MRTFA: variants seen among roughly 807,000 people sequenced by gnomAD.
MRTFA encodes the protein myocardin related transcription factor A, also known as myocardin-related transcription factor A.
A neutral mutation model predicts 83.5 loss-of-function variants in MRTFA; 20 were observed. The observed-to-expected ratio is 0.24, with a 90% confidence interval of 0.17 to 0.35. The LOEUF (loss-of-function observed/expected upper bound fraction) is 0.35, where lower values mean the gene tolerates loss of function less well. Ranked by LOEUF, MRTFA falls within the 10% of genes least tolerant of loss-of-function variation. The pLI, the probability that MRTFA is intolerant of heterozygous loss-of-function variation, is 1.00. For synonymous variants in MRTFA, 659 were observed against 541.2 expected, an observed-to-expected ratio of 1.22 and a Z score of -3.02; for missense variants, 1,200 against 1,224.7, an observed-to-expected ratio of 0.98 and a Z score of 0.30.
At chr22:40,528,612 C>T (rs1175839110) in intron 3 of MRTFA, among the ~76,000 whole-genome samples, 1 of 151,914 alleles carries the variant, frequency 6.6e-6, no homozygotes, top group Non-Finnish European at 1.5e-5. Flanking sequence ...TGGTACATGC[C>T]TGTAATCCCA....
At chr22:40,505,254 G>A (rs777867910) in intron 3 of MRTFA, among the ~76,000 whole-genome samples, 2 of 152,138 alleles carry the variant, frequency 1.3e-5, no homozygotes, top group African/African-American at 2.4e-5. Flanking sequence ...TGTAGGGATC[G>A]ACATTTATGT....
intron 2 of MRTFA, chr22:40,586,900 C>G (rs910732029): frequency 1.2e-5 from 5 of 433,370 alleles, no homozygotes; most frequent in African/African-American, 2.0e-5. Flanking sequence ...GCTGGTGCTG[C>G]TGGTGCTGCT....
At chr22:40,562,758 G>T in intron 2 of MRTFA, among the ~76,000 whole-genome samples, 1 of 90,436 alleles carries the variant, frequency 1.1e-5, no homozygotes, top group Non-Finnish European at 2.2e-5. Context: ...GGACGGAGGG[G>T]GGAATGGAGG....
At position 40,452,396 on chromosome 22, in the gene MRTFA, G is replaced by A. The variant is rs373264711; in HGVS notation, c.307+10825C>T. ...TAGTTGAGTAGTACCTACAAGTGAC[G>A]TTATAACCTTCTTTTACTCTTGATA... On this transcript the variant is annotated intron_variant, in intron 4 of 14. Transcript: ENST00000355630. 1.2e-4 allele frequency among the ~76,000 whole-genome samples: 18 copies of A among 152,276 alleles called. No individual in the cohort carries two copies. In the South Asian group the frequency reaches 3.5e-3, roughly 30 times the overall value.
At chr22:40,415,783 C>T (rs1019331534) in intron 14 of MRTFA, among the ~76,000 whole-genome samples, 3 of 152,200 alleles carry the variant, frequency 2.0e-5, no homozygotes, top group Admixed American at 2.0e-4. Flanking sequence ...TGCTCCCAGG[C>T]CTCTCATGGA....
chr22:40,564,095 A>G (rs1486443782), intron 2 of MRTFA, among the ~76,000 whole-genome samples: 1 of 152,184 alleles, frequency 6.6e-6, no homozygotes, highest in East Asian at 1.9e-4. Flanking sequence ...ATAAGATAGA[A>G]TGTGTTTCTG....
At chr22:40,606,453 A>G (rs1357508022) in intron 1 of MRTFA, among the ~76,000 whole-genome samples, 4 of 152,190 alleles carry the variant, frequency 2.6e-5, no homozygotes, top group African/African-American at 4.8e-5. Context: ...CCCCAACAAG[A>G]TTAAGTATAT....
At chr22:40,626,503 G>T (rs111984515) in intron 1 of MRTFA, among the ~76,000 whole-genome samples, 91 of 152,126 alleles carry the variant, frequency 6.0e-4, no homozygotes, top group African/African-American at 2.1e-3. Flanking sequence ...ATGTTATCTA[G>T]GCTGGTCTTG....
rs972095762 is a variant in MRTFA at position 40,410,407 on chromosome 22, G to A, written c.*983C>T. Reference sequence around the variant, plus strand: ...GTCAGCCCAGAATGTGAAGCCAGTGGCCCCAGGGCAGGAGATGGCCACCCC... The same window carrying A: ...GTCAGCCCAGAATGTGAAGCCAGTGACCCCAGGGCAGGAGATGGCCACCCC... On this transcript the variant is annotated 3_prime_UTR_variant, in exon 15 of 15. Coordinates refer to ENST00000355630, the MANE Select transcript of MRTFA (RefSeq NM_020831.6). 2.5e-5 allele frequency: 6 copies of A among 236,800 alleles called. No individual in the cohort carries two copies. Among genetic ancestry groups the A allele is most frequent in the Non-Finnish European group, 5.0e-5 (6 of 121,140 alleles). 14.7% of individuals were successfully genotyped at this position (236,800 alleles called of 1,614,324 possible).
At chr22:40,502,181 G>A (rs1282429369) in intron 3 of MRTFA, among the ~76,000 whole-genome samples, 1 of 145,202 alleles carries the variant, frequency 6.9e-6, no homozygotes, top group Non-Finnish European at 1.5e-5. Flanking sequence ...CCTCCCTCCC[G>A]GACGGGGTGG....
chr22:40,584,008 T>C (rs954466130), intron 2 of MRTFA, among the ~76,000 whole-genome samples: 1 of 152,228 alleles, frequency 6.6e-6, no homozygotes, highest in African/African-American at 2.4e-5. Flanking sequence ...GTCCAGACTA[T>C]TTTATAATCA....
chr22:40,477,384 A>G (rs2054016237), intron 3 of MRTFA, among the ~76,000 whole-genome samples: 1 of 151,580 alleles, frequency 6.6e-6, no homozygotes, highest in Middle Eastern at 3.2e-3. Flanking sequence ...AAAAGAAATG[A>G]CCTCTAAGGG....
chr22:40,469,117 G>A (rs548301212), intron 3 of MRTFA, among the ~76,000 whole-genome samples: 3 of 152,172 alleles, frequency 2.0e-5, no homozygotes, highest in East Asian at 1.9e-4. Context: ...TCTAAAAATC[G>A]CAATCTACCT....
chr22:40,619,823 G>T (rs1602503232), intron 1 of MRTFA, among the ~76,000 whole-genome samples: 1 of 147,180 alleles, frequency 6.8e-6, no homozygotes, highest in African/African-American at 2.5e-5. Flanking sequence ...CTGGGAGGTG[G>T]AGCTTGCAGT....
intron 2 of MRTFA, among the ~76,000 whole-genome samples, chr22:40,566,947 A>C (rs1378299058): frequency 6.6e-6 from 1 of 152,222 alleles, no homozygotes; most frequent in East Asian, 1.9e-4. Flanking sequence ...ATAATTTACT[A>C]TTCTGCCTGG....
Position 40,435,482 on chromosome 22 carries a change from G to T in MRTFA, c.363+17C>A. On this transcript the variant is annotated intron_variant, in intron 5 of 14. Coordinates refer to ENST00000355630, the MANE Select transcript of MRTFA (RefSeq NM_020831.6). Reference sequence around the variant, plus strand: ...AATGCTCTTTGGGAGTTCTGAGGGGGAAAAAAGGTACCTTACCCTGGCCCG... The same window carrying T: ...AATGCTCTTTGGGAGTTCTGAGGGGTAAAAAAGGTACCTTACCCTGGCCCG... 6.2e-7 allele frequency: 1 copy of T among 1,613,634 alleles called. No homozygotes were observed. Among genetic ancestry groups the T allele is most frequent in the South Asian group, 1.1e-5 (1 of 91,078 alleles).
chr22:40,506,883 CTATAAAA>C (rs2054589276), intron 3 of MRTFA, among the ~76,000 whole-genome samples: 1 of 152,178 alleles, frequency 6.6e-6, no homozygotes, highest in Admixed American at 6.5e-5. Flanking sequence ...AAAAAGTGCT[CTATAAAA>C]TATGTCAATG....
chr22:40,526,665 G>C (rs746468826), intron 3 of MRTFA: 2 of 152,150 alleles, frequency 1.3e-5, no homozygotes, highest in Non-Finnish European at 2.9e-5. Context: ...TAATGTAATC[G>C]TGTTTAAACT....
At chr22:40,557,231 G>A (rs780140362) in intron 2 of MRTFA, among the ~76,000 whole-genome samples, 20 of 152,140 alleles carry the variant, frequency 1.3e-4, no homozygotes, top group Non-Finnish European at 2.6e-4. Context: ...ATGACACAAG[G>A]AAGACTGCAT....
Sources: gnomAD v4.1 joint callset for allele counts (sites outside exome capture counted in the v4.1 genomes callset) on GRCh38, gnomAD v4.1.1 for gene constraint, MANE v1.5 for transcripts, NCBI Gene and HGNC (gene_info 2026-07-23, HGNC 2026-07-21) for gene names.